Variants in IMMP2L observed in about 807,000 individuals in gnomAD.
IMMP2L encodes inner mitochondrial membrane peptidase subunit 2.
IMMP2L carries 18 observed loss-of-function variants against 19.3 expected under a neutral mutation model. The ratio of observed to expected loss-of-function variants is 0.93; its 90% CI spans 0.64 to 1.38. IMMP2L has a LOEUF of 1.38. Among genes scored for constraint, IMMP2L ranks in the 40% most tolerant of loss-of-function variants. The pLI is 0.00. For missense variants in IMMP2L, 233 were observed against 218.2 expected (o/e 1.07, Z -0.43); for synonymous variants, 76 against 73.0 (o/e 1.04, Z -0.21).
chr7:111,293,847 G>T (rs183820262), intron 3 of IMMP2L, among the ~76,000 whole-genome samples: 99 of 151,976 alleles, frequency 6.5e-4, no homozygotes, highest in African/African-American at 2.4e-3. Context: ...TAACTGTTCA[G>T]TGTAACAAAT....
chr7:110,897,118 C>G (rs1030806658), intron 4 of IMMP2L, among the ~76,000 whole-genome samples: 3 of 151,932 alleles, frequency 2.0e-5, no homozygotes, highest in Non-Finnish European at 4.4e-5. Flanking sequence ...TTGGGGAAAG[C>G]CTTTTAAAGT....
intron 3 of IMMP2L, among the ~76,000 whole-genome samples, chr7:111,003,003 G>A (rs1823874040): frequency 6.6e-6 from 1 of 152,124 alleles, no homozygotes; most frequent in African/African-American, 2.4e-5. Context: ...TGTTCTCTGA[G>A]GATCCAGAAC....
intron 3 of IMMP2L, among the ~76,000 whole-genome samples, chr7:111,431,042 G>A (rs1836575859): frequency 6.6e-6 from 1 of 151,814 alleles, no homozygotes; most frequent in African/African-American, 2.4e-5. Context: ...AGGAGACAGA[G>A]ATTGCAGTGA....
chr7:110,801,912 TAGG>T (rs1374584947), intron 5 of IMMP2L, among the ~76,000 whole-genome samples: 4 of 152,062 alleles, frequency 2.6e-5, no homozygotes, highest in Middle Eastern at 3.2e-3. Context: ...AGGTAGGTGG[TAGG>T]AGAAGCAGCA....
At chr7:110,746,233 C>T (rs1424127965) in intron 5 of IMMP2L, among the ~76,000 whole-genome samples, 1 of 152,142 alleles carries the variant, frequency 6.6e-6, no homozygotes, top group Non-Finnish European at 1.5e-5. Flanking sequence ...GCACCCAATA[C>T]AGGAGCACCC....
intron 1 of IMMP2L, among the ~76,000 whole-genome samples, chr7:111,538,160 A>G (rs143917763): frequency 6.6e-6 from 1 of 152,026 alleles, no homozygotes; most frequent in Non-Finnish European, 1.5e-5. Flanking sequence ...GTTCTGCGCG[A>G]GCAGAAACAC....
rs114433126 is a variant in IMMP2L at position 110,665,790 on chromosome 7, C to G, written c.409-2069G>C. On this transcript the variant is annotated intron_variant, in intron 5 of 5. Coordinates refer to ENST00000405709, the MANE Select transcript of IMMP2L (RefSeq NM_032549.4). ...CTAGATTTCTCCATCATAAATAAAT[C>G]TTTTTCCTTCTGTAATTAATAACTG... is the stretch of plus-strand genomic sequence containing the variant. Among the ~76,000 whole-genome samples, 520 of 152,228 alleles carry G rather than the reference C, an allele frequency of 3.4e-3. 1 individual carries two copies. Among genetic ancestry groups the G allele is most frequent in the African/African-American group, 0.012 (496 of 41,526 alleles).
chr7:111,006,643 G>A (rs1824319201), intron 3 of IMMP2L, among the ~76,000 whole-genome samples: 2 of 152,114 alleles, frequency 1.3e-5, no homozygotes, highest in South Asian at 4.2e-4. Flanking sequence ...CTAACATCAA[G>A]CTGCTGTTGC....
intron 3 of IMMP2L, among the ~76,000 whole-genome samples, chr7:111,436,185 T>G (rs1219981353): frequency 6.6e-6 from 1 of 151,610 alleles, no homozygotes; most frequent in Admixed American, 6.6e-5. Flanking sequence ...ACCTGTCCAG[T>G]AAGACTCCAG....
At chr7:111,212,742 C>T (rs140590855) in intron 3 of IMMP2L, among the ~76,000 whole-genome samples, 1 of 152,292 alleles carries the variant, frequency 6.6e-6, no homozygotes, top group East Asian at 1.9e-4. Flanking sequence ...AATTGTTACA[C>T]ACAGTGGGGT....
rs1824121910 is a variant in IMMP2L, at chr7:111,004,794, T to C, written c.240-41229A>G. ...ATGATTTTTCTGTTACTGTATGCTA[T>C]GTGGACGGTTTATTTATTTAACTTT... On this transcript the variant is annotated intron_variant, in intron 3 of 5. Coordinates refer to ENST00000405709, the MANE Select transcript of IMMP2L (RefSeq NM_032549.4). Among the ~76,000 whole-genome samples the C allele has an allele frequency of 2.6e-5, 4 of 152,310 alleles. No individual in the cohort carries two copies. The South Asian group carries it at 6.2e-4, about 24-fold the overall frequency.
chr7:110,811,926 T>C (rs1802068059), intron 5 of IMMP2L, among the ~76,000 whole-genome samples: 1 of 152,054 alleles, frequency 6.6e-6, no homozygotes, highest in Non-Finnish European at 1.5e-5. Context: ...GGGACAGGCA[T>C]ATGACCTAAG....
At chr7:111,397,979 T>G (rs1433489856) in intron 3 of IMMP2L, among the ~76,000 whole-genome samples, 1 of 152,182 alleles carries the variant, frequency 6.6e-6, no homozygotes, top group East Asian at 1.9e-4. Context: ...CTTCTAAGTA[T>G]TTTATGACTT....
chr7:110,882,331 T>TTCCTTCCTTCCCTC (rs1554445735), intron 5 of IMMP2L, among the ~76,000 whole-genome samples: 1 of 143,944 alleles, frequency 6.9e-6, no homozygotes, highest in Non-Finnish European at 1.5e-5. Context: ...CTTCCTTCCT[T>TTCCTTCCTTCCCTC]CCTTCCTTCC....
Position 111,123,852 on chromosome 7 carries a change from C to T in IMMP2L, c.240-160287G>A. The T allele has an allele frequency of 6.2e-7, 1 of 1,613,986 alleles. No individual in the cohort carries two copies. Among genetic ancestry groups the T allele is most frequent in the Non-Finnish European group, 8.5e-7 (1 of 1,179,978 alleles). On this transcript the variant is annotated intron_variant, in intron 3 of 5. Transcript: ENST00000405709. The surrounding 1 kb of genome is among the most constrained non-coding windows in gnomAD (Gnocchi z 6.4). ...GTACCATTGAGTCTCTGCCAAACCT[C>T]AAGGAAATCAGCATACACAGTAACC... is the stretch of plus-strand genomic sequence containing the variant.
chr7:110,920,991 T>C (rs1245071995), intron 4 of IMMP2L, among the ~76,000 whole-genome samples: 3 of 152,174 alleles, frequency 2.0e-5, no homozygotes, highest in Admixed American at 6.5e-5. Context: ...TCTGAGATCA[T>C]GACCTTTTTA....
At chr7:111,530,055 C>T (rs1239363159) in intron 1 of IMMP2L, among the ~76,000 whole-genome samples, 6 of 152,158 alleles carry the variant, frequency 3.9e-5, no homozygotes, top group Admixed American at 3.9e-4. Context: ...TCAGAAGCAG[C>T]ATCAGCAAAG....
chr7:110,749,195 G>A (rs1480640856), intron 5 of IMMP2L, among the ~76,000 whole-genome samples: 1 of 152,190 alleles, frequency 6.6e-6, no homozygotes, highest in Non-Finnish European at 1.5e-5. Context: ...ACCACAATGA[G>A]ATACCATCTC....
intron 3 of IMMP2L, among the ~76,000 whole-genome samples, chr7:111,443,752 C>T (rs528833258): frequency 6.6e-5 from 10 of 152,064 alleles, no homozygotes; most frequent in African/African-American, 2.4e-4. Context: ...CATTCTTCTT[C>T]CTATTTTTAA....
Sources: gnomAD v4.1 joint callset for allele counts (sites outside exome capture counted in the v4.1 genomes callset) on GRCh38, gnomAD v4.1.1 for gene constraint, Gnocchi (gnomAD v3.1) non-coding constraint, MANE v1.5 for transcripts, NCBI Gene and HGNC (gene_info 2026-07-23, HGNC 2026-07-21) for gene names.